The following WDR35 variants were observed in gnomAD, a reference collection of about 807,000 sequenced individuals.
WDR35 encodes the protein WD repeat-containing protein 35.
WDR35 carries 118 observed loss-of-function variants against 158.3 expected under a neutral mutation model. The ratio of observed to expected loss-of-function variants is 0.75; its 90% CI spans 0.64 to 0.87. The LOEUF is 0.87. Among genes scored for constraint, WDR35 ranks in the 40% least tolerant of loss-of-function variants. WDR35 has a pLI of 0.00. For missense variants in WDR35, 1,263 were observed against 1,405.8 expected (o/e 0.90, Z 1.62); for synonymous variants, 448 against 476.1 (o/e 0.94, Z 0.77).
At chr2:19,978,484 G>C (rs1219765816) in intron 5 of WDR35, among the ~76,000 whole-genome samples, 1 of 152,012 alleles carries the variant, frequency 6.6e-6, no homozygotes, top group Non-Finnish European at 1.5e-5. Context: ...TAATGAGGCA[G>C]ACATGTTTAA....
At chr2:19,972,650 G>T (rs181410486) in intron 8 of WDR35, among the ~76,000 whole-genome samples, 13 of 151,936 alleles carry the variant, frequency 8.6e-5, no homozygotes, top group African/African-American at 3.1e-4. Flanking sequence ...ATTCTACTGG[G>T]TAACTTTGAG....
At chr2:19,923,221 C>T (rs576467742) in intron 25 of WDR35, among the ~76,000 whole-genome samples, 4 of 152,134 alleles carry the variant, frequency 2.6e-5, no homozygotes, top group African/African-American at 7.2e-5. Flanking sequence ...CCTTTAGCAC[C>T]GCTGAGTTAG....
intron 16 of WDR35, among the ~76,000 whole-genome samples, chr2:19,944,097 A>G (rs1375805342): frequency 6.6e-6 from 1 of 152,086 alleles, no homozygotes; most frequent in African/African-American, 2.4e-5. Context: ...ATGATCAATA[A>G]GCAGCTAGAA....
At chr2:19,931,209 C>CTT (rs373398942) in intron 24 of WDR35, 60 bp downstream of exon 24, 911 of 1,214,662 alleles carry the variant, frequency 7.5e-4, no homozygotes, top group Middle Eastern at 1.5e-3. Flanking sequence ...TTAATAGTTT[C>CTT]TTTTTTTTTT....
chr2:19,920,285 A>C (rs1263373409), intron 25 of WDR35, among the ~76,000 whole-genome samples: 1 of 152,204 alleles, frequency 6.6e-6, no homozygotes, highest in Non-Finnish European at 1.5e-5. Context: ...AACAACAAAA[A>C]ATTTCAGGCC....
At chr2:19,974,757 A>G in intron 6 of WDR35, 124 bp from the exon 7 acceptor site, 2 of 931,528 alleles carry the variant, frequency 2.1e-6, no homozygotes, top group Middle Eastern at 3.2e-4. Context: ...GTGGCAAATT[A>G]AAGCTTAATC....
rs149815363 is a variant in WDR35, at chr2:19,932,327, G to A, written c.2779C>T (p.Arg927Trp). 4.2e-5 allele frequency: 68 copies of A among 1,613,216 alleles called. 1 individual carries two copies. Among genetic ancestry groups the A allele is most frequent in the South Asian group, 3.8e-4 (35 of 91,056 alleles). The change falls in exon 23 of 27, where the codon CGG becomes TGG. Residue 927 changes from arginine (R) to tryptophan (W), a missense_variant. Arg to Trp is a moderately radical substitution (Grantham distance 101). Coordinates refer to ENST00000281405, the MANE Select transcript of WDR35 (RefSeq NM_020779.4). Reference sequence around the variant, plus strand: ...GCATCAAAAAAGTAATTGGCTTTCCGATAGAGTTCTATGGCATCAAGAGTT... The same window carrying A: ...GCATCAAAAAAGTAATTGGCTTTCCAATAGAGTTCTATGGCATCAAGAGTT... ...NKTLDAIELY[R>W]KANYFFDAAK...
intron 25 of WDR35, among the ~76,000 whole-genome samples, chr2:19,927,779 AG>A (rs1670402516): frequency 6.6e-6 from 1 of 152,232 alleles, no homozygotes; most frequent in African/African-American, 2.4e-5. Flanking sequence ...CAAGAACTGG[AG>A]TGCTTAAAGG....
At chr2:19,971,958 G>A (rs1672048639) in intron 8 of WDR35, among the ~76,000 whole-genome samples, 2 of 152,108 alleles carry the variant, frequency 1.3e-5, no homozygotes, top group African/African-American at 2.4e-5. Flanking sequence ...CTGTGTCTCA[G>A]AGGCTAAATA....
At position 19,973,668 on chromosome 2, in the gene WDR35, G is replaced by T. The variant is rs748831737; in HGVS notation, c.777C>A (p.Ile259=). ...ACACGCTGCCCATGTGGTTCCACTGGATGCCTACTACGTACATGCCAGTGT... is the reference window on the plus strand; with the variant it reads ...ACACGCTGCCCATGTGGTTCCACTGTATGCCTACTACGTACATGCCAGTGT... ...LIDTGMYVVG[I]QWNHMGSVLA... Residue 259 remains isoleucine, a synonymous_variant, in exon 8 of 27, where the codon ATC becomes ATA. Transcript: ENST00000281405. 1 of 1,614,218 alleles carries T rather than the reference G, an allele frequency of 6.2e-7. No homozygotes were observed. Among genetic ancestry groups the T allele is most frequent in the South Asian group, 1.1e-5 (1 of 91,076 alleles).
In WDR35 at chr2:19,938,437, T is replaced by C. The variant is rs150724559; in HGVS notation, c.1927-36A>G. The stretch of plus-strand genomic sequence containing the variant: ...AGATGAAAACAAAAAAATTCAAATA[T>C]TTGCCGTTAGAGTATGTGTTTCTTT... On this transcript the variant is annotated intron_variant, in intron 17 of 26. Coordinates refer to ENST00000281405, the MANE Select transcript of WDR35 (RefSeq NM_020779.4). 4.7e-4 allele frequency: 763 copies of C among 1,610,254 alleles called. 2 individuals are homozygous for C. In the African/African-American group the frequency reaches 9.0e-3, roughly 19 times the overall value.
chr2:19,961,078 G>A (rs1305771392), intron 10 of WDR35, among the ~76,000 whole-genome samples: 3 of 152,126 alleles, frequency 2.0e-5, no homozygotes, highest in Admixed American at 6.5e-5. Flanking sequence ...AAAAAGCCCT[G>A]TCAAAGAAAC....
intron 14 of WDR35, among the ~76,000 whole-genome samples, chr2:19,947,083 T>C (rs6707471): frequency 0.11 from 16,140 of 152,246 alleles, 943 homozygotes; most frequent in South Asian, 0.2. Flanking sequence ...ACTATGAATA[T>C]TAGTTTAAAT....
At chr2:19,917,243 C>T (rs1282694177) in intron 25 of WDR35, among the ~76,000 whole-genome samples, 1 of 152,180 alleles carries the variant, frequency 6.6e-6, no homozygotes, top group Non-Finnish European at 1.5e-5. Flanking sequence ...CGAAGGTCAC[C>T]GACTTCAAAG....
intron 13 of WDR35, among the ~76,000 whole-genome samples, chr2:19,951,138 G>A (rs1671221237): frequency 6.6e-6 from 1 of 152,170 alleles, no homozygotes; most frequent in Non-Finnish European, 1.5e-5. Flanking sequence ...AGATGGGAAG[G>A]TGTGAGGAGG....
rs1553317015 is a variant in WDR35, at chr2:19,936,249, A to G, written c.2384T>C (p.Ile795Thr). The change falls in exon 20 of 27, where the codon ATT becomes ACT. Residue 795 changes from isoleucine to threonine, a missense_variant. By Grantham distance (89) the Ile-to-Thr change is moderately conservative (BLOSUM62 -1). Coordinates refer to ENST00000281405, the MANE Select transcript of WDR35 (RefSeq NM_020779.4). ...DSLLEQANNA[I>T]GDYFADRQKW... ...TTGTCGATCAGCAAAGTAGTCTCCA[A>G]TGGCATTGTTGGCTTGTTCCAGGAG... is the stretch of plus-strand genomic sequence containing the variant. 6.2e-7 allele frequency: 1 copy of G among 1,614,010 alleles called. No individual in the cohort carries two copies.
chr2:19,978,761 A>C lies in WDR35; in HGVS notation c.426T>G (p.Gly142=), dbSNP rs1352707199. 2.5e-6 allele frequency: 4 copies of C among 1,613,816 alleles called. No homozygotes were observed. Among genetic ancestry groups the C allele is most frequent in the Non-Finnish European group, 2.5e-6 (3 of 1,179,840 alleles). ...IVYEDGAVIV[G]SVDGNRIWGK... ...CAATCAATACATTACCATCCACTGA[A>C]CCAACTATCACAGCCCCATCTTCAT... Residue 142 remains glycine, a synonymous_variant, in exon 5 of 27, where the codon GGT becomes GGG. Coordinates refer to ENST00000281405, the MANE Select transcript of WDR35 (RefSeq NM_020779.4).
intron 10 of WDR35, 149 bp from the exon 11 acceptor site, chr2:19,960,763 A>C (rs1671623953): frequency 1.6e-6 from 1 of 637,924 alleles, no homozygotes. Flanking sequence ...AATAGCAGAC[A>C]AAAAGAAAGA....
intron 14 of WDR35, among the ~76,000 whole-genome samples, chr2:19,947,860 G>C (rs1671107250): frequency 6.6e-6 from 1 of 152,034 alleles, no homozygotes; most frequent in African/African-American, 2.4e-5. Context: ...TTTTGCAAAT[G>C]GTTAATTATT....
Sources: allele counts gnomAD v4.1 joint callset (sites outside exome capture counted in the v4.1 genomes callset), GRCh38; gene constraint gnomAD v4.1.1; transcripts MANE v1.5; gene names NCBI Gene and HGNC (gene_info 2026-07-23, HGNC 2026-07-21).